Variants in DMBT1 observed in about 807,000 individuals in gnomAD.
DMBT1 encodes deleted in malignant brain tumors 1, also known as scavenger receptor cysteine-rich domain-containing protein DMBT1.
A neutral mutation model predicts 252.9 loss-of-function variants in DMBT1; 198 were observed. That is an observed-to-expected ratio of 0.78 (90% CI 0.70 to 0.88). The LOEUF is 0.88. Among genes scored for constraint, DMBT1 ranks in the 40% least tolerant of loss-of-function variants. DMBT1 has a pLI of 0.00. For synonymous variants in DMBT1, 990 were observed against 942.7 expected (o/e 1.05, Z -0.92); for missense variants, 2,432 against 2,404.7 (o/e 1.01, Z -0.24).
At chr10:122,643,017 C>A in intron 55 of DMBT1, 105 bp from the exon 56 acceptor site, 2 of 1,451,302 alleles carry the variant, frequency 1.4e-6, no homozygotes, top group Non-Finnish European at 1.9e-6. Flanking sequence ...GTGCAGGAGG[C>A]AGGGGCAGTG....
At chr10:122,587,493 A>G (rs1311619317) in intron 16 of DMBT1, among the ~76,000 whole-genome samples, 1 of 148,434 alleles carries the variant, frequency 6.7e-6, no homozygotes, top group Non-Finnish European at 1.5e-5. Context: ...CCTTGTTATG[A>G]ATGCCTGTGG....
intron 1 of DMBT1, among the ~76,000 whole-genome samples, chr10:122,564,220 G>A (rs1219567166): frequency 2.6e-5 from 4 of 152,152 alleles, no homozygotes; most frequent in African/African-American, 9.7e-5. Context: ...TCTGACATAC[G>A]GCAAGTCCTG....
rs142625329 is a variant in DMBT1 at position 122,598,293 on chromosome 10, A to G, written c.2956+281A>G. On this transcript the variant is annotated intron_variant, in intron 25 of 55. Transcript: ENST00000338354. ...AAGCCCTGGAGGGTTCCCTAATCCT[A>G]CTAAGACCTCATTCCTGTCCCTCAG... 2.6e-3 allele frequency among the ~76,000 whole-genome samples: 402 copies of G among 152,218 alleles called. 1 individual carries two copies. Among genetic ancestry groups the G allele is most frequent in the African/African-American group, 9.3e-3 (386 of 41,518 alleles).
At chr10:122,574,551 C>T (rs901354806) in intron 6 of DMBT1, among the ~76,000 whole-genome samples, 1 of 152,182 alleles carries the variant, frequency 6.6e-6, no homozygotes, top group Non-Finnish European at 1.5e-5. Context: ...CTGACTTAAC[C>T]TCTTCCTCTT....
chr10:122,622,083 G>T (rs564197153), intron 44 of DMBT1, among the ~76,000 whole-genome samples: 1 of 152,212 alleles, frequency 6.6e-6, no homozygotes, highest in Admixed American at 6.5e-5. Flanking sequence ...AAACCTGCAA[G>T]GGAAAGGGTT....
At position 122,576,576 on chromosome 10, in the gene DMBT1, A is replaced by G; in HGVS notation, c.461A>G (p.Asn154Ser). 3 of 1,613,908 alleles carry G rather than the reference A, an allele frequency of 1.9e-6. No individual in the cohort carries two copies. The highest frequency in any genetic ancestry group is 1.7e-6 in the Non-Finnish European group (2 of 1,179,836). Residue 154 changes from asparagine (N) to serine (S), a missense_variant, in exon 7 of 56, where the codon AAT becomes AGT. Asn to Ser is a conservative substitution (Grantham distance 46). Transcript: ENST00000338354. Reference protein sequence around the residue: ...GCGWAMSAPGNAWFGQGSGPI... With the variant: ...GCGWAMSAPGSAWFGQGSGPI... ...GGCTGGGCCATGTCAGCTCCAGGAA[A>G]TGCCTGGTTTGGCCAGGGCTCAGGA...
intron 48 of DMBT1, 111 bp downstream of exon 48, chr10:122,630,601 G>A (rs2098155256): frequency 2.6e-6 from 3 of 1,148,618 alleles, no homozygotes; most frequent in South Asian, 1.5e-5. Flanking sequence ...GCGATGCACG[G>A]CCCATTCTCT....
rs369499420 is a variant in DMBT1 at position 122,591,305 on chromosome 10, A to G, written c.2138-174A>G. Among the ~76,000 whole-genome samples the G allele has an allele frequency of 3.6e-4, 53 of 148,658 alleles. 2 individuals are homozygous for G. Among genetic ancestry groups the G allele is most frequent in the African/African-American group, 1.3e-3 (53 of 41,208 alleles). ...ATCGGACTGGTCTCCAGTGAGGACT[A>G]TGTCCCTGGCTGTGCTTCCTGAGCT... is the stretch of plus-strand genomic sequence containing the variant. On this transcript the variant is annotated intron_variant, in intron 18 of 55. Transcript: ENST00000338354.
Position 122,632,882 on chromosome 10 carries a change from G to T in DMBT1, c.6389G>T (p.Arg2130Leu), listed in dbSNP as rs78385368. 2,906 of 1,613,816 alleles carry T rather than the reference G, an allele frequency of 1.8e-3. 58 individuals carry two copies. The African/African-American group carries it at 0.036, about 20-fold the overall frequency. Residue 2130 changes from arginine to leucine, a missense_variant, in exon 51 of 56, where the codon CGT becomes CTT. Physicochemically the swap from Arg to Leu is moderately radical, Grantham distance 102 (BLOSUM62 -2). Transcript: ENST00000338354. ...STPAPFLNIT[R>L]PNTDYSCGGF... The stretch of plus-strand genomic sequence containing the variant: ...ACAGCTCCTTTTCTCAACATCACCC[G>T]TCCAAACAGTAAGTTCTGAGCTCCC...
Position 122,633,171 on chromosome 10 carries a change from C to T in DMBT1, c.6398-20C>T. On this transcript the variant is annotated intron_variant, in intron 51 of 55. Coordinates refer to ENST00000338354, the MANE Select transcript of DMBT1 (RefSeq NM_001377530.1). ...GTGTGCTCTGGGGGTCACCGACATT[C>T]CCACTTTTTGTCCTGACAGCAGATT... 3.1e-6 allele frequency: 5 copies of T among 1,613,110 alleles called. No homozygotes were observed. The highest frequency in any genetic ancestry group is 4.2e-6 in the Non-Finnish European group (5 of 1,179,404).
In DMBT1 at chr10:122,643,255, G is replaced by T. The variant is rs780953372; in HGVS notation, c.7486G>T (p.Ala2496Ser). ...YLRCKMVVCR[A>S]YDPSSRCYRG... Reference sequence around the variant, plus strand: ...GCGTTGTAAAATGGTGGTGTGCAGAGCGTATGACCCCTCTTCCCGCTGCTA... The same window carrying T: ...GCGTTGTAAAATGGTGGTGTGCAGATCGTATGACCCCTCTTCCCGCTGCTA... Residue 2496 changes from alanine (A) to serine (S), a missense_variant, in exon 56 of 56, where the codon GCG becomes TCG. Physicochemically the swap from Ala to Ser is moderately conservative, Grantham distance 99. This residue lies in a region of DMBT1 where 1,162 missense variants were observed against 1,169.0 expected (regional missense o/e 0.99). Coordinates refer to ENST00000338354, the MANE Select transcript of DMBT1 (RefSeq NM_001377530.1). 6.2e-7 allele frequency: 1 copy of T among 1,613,982 alleles called. No individual in the cohort carries two copies. The highest frequency in any genetic ancestry group is 2.2e-5 in the East Asian group (1 of 44,876).
At chr10:122,639,859 T>C (rs1283922490) in intron 54 of DMBT1, among the ~76,000 whole-genome samples, 181 bp from the exon 55 acceptor site, 3 of 152,226 alleles carry the variant, frequency 2.0e-5, no homozygotes, top group Non-Finnish European at 2.9e-5. Context: ...GTGTAAGCTC[T>C]GGCACCCTGT....
intron 55 of DMBT1, among the ~76,000 whole-genome samples, chr10:122,641,540 A>T (rs1844532698): frequency 6.6e-6 from 1 of 152,194 alleles, no homozygotes; most frequent in African/African-American, 2.4e-5. Context: ...CCTTGTTTAC[A>T]GTCTATGCAG....
intron 2 of DMBT1, 72 bp downstream of exon 2, chr10:122,566,068 A>G: frequency 1.3e-6 from 2 of 1,512,896 alleles, no homozygotes; most frequent in Non-Finnish European, 1.8e-6. Flanking sequence ...TGGCTAGTTG[A>G]GGCTGAGCAC....
chr10:122,571,120 G>A (rs1164013421), intron 4 of DMBT1, among the ~76,000 whole-genome samples, 183 bp downstream of exon 4: 1 of 152,250 alleles, frequency 6.6e-6, no homozygotes, highest in Non-Finnish European at 1.5e-5. Context: ...CCACACATGA[G>A]CACGTGTTTG....
In DMBT1 at chr10:122,566,015, T is replaced by C; in HGVS notation, c.91+19T>C. On this transcript the variant is annotated intron_variant, in intron 2 of 55. Coordinates refer to ENST00000338354, the MANE Select transcript of DMBT1 (RefSeq NM_001377530.1). ...GACTACGGTAAGACCTTTTCTTCAC[T>C]CCTCTTCCCTGGTGGGGTTGGCCAG... 3.7e-6 allele frequency: 6 copies of C among 1,613,698 alleles called. No homozygotes were observed. The highest frequency in any genetic ancestry group is 5.1e-6 in the Non-Finnish European group (6 of 1,179,666).
rs774618624 is a variant in DMBT1, at chr10:122,631,848, T to C, written c.6347-7T>C. On this transcript the variant is annotated splice_polypyrimidine_tract_variant and splice_region_variant and intron_variant, in intron 49 of 55. Transcript: ENST00000338354. The stretch of plus-strand genomic sequence containing the variant: ...TGACCTATGCTTTTTTTCTATTCCT[T>C]TTTCAGGAAACCATCTATCGACACC... 6.2e-7 allele frequency: 1 copy of C among 1,613,910 alleles called. No homozygotes were observed. The highest frequency in any genetic ancestry group is 1.1e-5 in the South Asian group (1 of 91,074).
rs72836127 is a variant in DMBT1 at position 122,575,221 on chromosome 10, G to T, written c.284-1178G>T. ...TAGTAGCCAATGCAATGAGAGAAGA[G>T]AAATCAATTAGAGGCCTAAGCATGG... On this transcript the variant is annotated intron_variant, in intron 6 of 55. Transcript: ENST00000338354. 1.4e-3 allele frequency among the ~76,000 whole-genome samples: 211 copies of T among 152,334 alleles called. 1 individual carries two copies. Among genetic ancestry groups the T allele is most frequent in the Non-Finnish European group, 2.5e-3 (172 of 68,034 alleles).
At chr10:122,621,987 T>G (rs1409144589) in intron 44 of DMBT1, among the ~76,000 whole-genome samples, 5 of 152,170 alleles carry the variant, frequency 3.3e-5, no homozygotes, top group African/African-American at 1.2e-4. Flanking sequence ...AAAGCCTTGT[T>G]ATTACGTGTG....
Sources: gnomAD v4.1 joint callset for allele counts (sites outside exome capture counted in the v4.1 genomes callset) on GRCh38, gnomAD v4.1.1 for gene constraint, gnomAD v4.1.1 regional missense constraint, MANE v1.5 for transcripts, NCBI Gene and HGNC (gene_info 2026-07-23, HGNC 2026-07-21) for gene names.